Variants in UGGT2 observed in about 807,000 individuals in gnomAD.
UGGT2 encodes the protein UDP-glucose glycoprotein glucosyltransferase 2, also known as UDP-glucose:glycoprotein glucosyltransferase 2.
Under a neutral mutation model 192.1 loss-of-function variants are expected in UGGT2, and 180 were observed. The observed-to-expected ratio is 0.94, with a 90% CI of 0.83 to 1.06. The LOEUF (loss-of-function observed/expected upper bound fraction) is 1.06. Among genes scored for constraint, UGGT2 ranks in the 50% least tolerant of loss-of-function variants. UGGT2 has a pLI of 0.00. For synonymous variants in UGGT2, 580 were observed against 591.0 expected (o/e 0.98, Z 0.27); for missense variants, 1,849 against 1,795.7 (o/e 1.03, Z -0.54).
At chr13:95,980,154 G>T (rs139011721) in intron 10 of UGGT2, among the ~76,000 whole-genome samples, 1 of 152,118 alleles carries the variant, frequency 6.6e-6, no homozygotes, top group Admixed American at 6.6e-5. Context: ...CAGAGGGGTG[G>T]GGGGGAAGTC....
intron 38 of UGGT2, among the ~76,000 whole-genome samples, chr13:95,816,099 T>C (rs1358132389): frequency 1.3e-5 from 2 of 152,200 alleles, no homozygotes; most frequent in African/African-American, 2.4e-5. Context: ...ATGCTTCTTG[T>C]AGAGCCTGTG....
At chr13:95,831,713 T>C (rs1886710226) in intron 38 of UGGT2, among the ~76,000 whole-genome samples, 1 of 152,118 alleles carries the variant, frequency 6.6e-6, no homozygotes. Flanking sequence ...TGTATAAAAA[T>C]GCTAACTTTC....
At chr13:96,031,319 T>TG (rs1313633518) in intron 2 of UGGT2, among the ~76,000 whole-genome samples, 12 of 151,720 alleles carry the variant, frequency 7.9e-5, no homozygotes, top group Admixed American at 2.0e-4. Flanking sequence ...TTAATTTTTT[T>TG]GGGGGGGGAC....
At chr13:95,838,736 C>T (rs764574496) in intron 36 of UGGT2, among the ~76,000 whole-genome samples, 1 of 152,124 alleles carries the variant, frequency 6.6e-6, no homozygotes, top group African/African-American at 2.4e-5. Context: ...ACTGTCCCTT[C>T]TGACACCCTT....
Position 95,887,972 on chromosome 13 carries a change from C to G in UGGT2, c.2959-1G>C. The G allele has an allele frequency of 1.9e-6, 3 of 1,588,558 alleles. No individual in the cohort carries two copies. Among genetic ancestry groups the G allele is most frequent in the Non-Finnish European group, 2.6e-6 (3 of 1,165,466 alleles). On this transcript the variant is annotated splice_acceptor_variant, in intron 25 of 38. Coordinates refer to ENST00000376747, the MANE Select transcript of UGGT2 (RefSeq NM_020121.4). LOFTEE classifies it high-confidence loss of function. ...TCATGTTGATAATCTTGCCAAGTAC[C>G]TATTGGAAAGAAATTCCCATGTTTG...
intron 37 of UGGT2, among the ~76,000 whole-genome samples, chr13:95,833,665 A>G (rs1886970225): frequency 6.6e-6 from 1 of 152,212 alleles, no homozygotes; most frequent in South Asian, 2.1e-4. Context: ...AGAGTCTGAC[A>G]CACTATGTAT....
intron 20 of UGGT2, among the ~76,000 whole-genome samples, chr13:95,913,403 A>C (rs1008194851): frequency 6.6e-6 from 1 of 152,198 alleles, no homozygotes; most frequent in African/African-American, 2.4e-5. Context: ...AAAAAAACAA[A>C]CAACCCCATC....
chr13:95,827,509 T>A (rs896362236), intron 38 of UGGT2, among the ~76,000 whole-genome samples: 1 of 152,108 alleles, frequency 6.6e-6, no homozygotes, highest in Non-Finnish European at 1.5e-5. Flanking sequence ...TCAGAAGGTA[T>A]CAACCCTGTG....
At chr13:95,929,650 T>C (rs1471432848) in intron 17 of UGGT2, among the ~76,000 whole-genome samples, 3 of 152,246 alleles carry the variant, frequency 2.0e-5, no homozygotes, top group South Asian at 2.1e-4. Context: ...TAGTATTCCA[T>C]GGTGTATATA....
At chr13:95,965,526 G>C (rs897870559) in intron 12 of UGGT2, among the ~76,000 whole-genome samples, 12 of 148,620 alleles carry the variant, frequency 8.1e-5, no homozygotes, top group African/African-American at 1.2e-4. Flanking sequence ...CTCACTCATA[G>C]GTGGGAATTG....
At chr13:95,863,540 T>G in intron 31 of UGGT2, 89 bp downstream of exon 31, 1 of 1,006,070 alleles carries the variant, frequency 9.9e-7, no homozygotes, top group African/African-American at 1.6e-5. Context: ...GACCTTTGCC[T>G]TACTTAAATT....
At chr13:95,908,907 C>G (rs1403617165) in intron 20 of UGGT2, among the ~76,000 whole-genome samples, 1 of 132,492 alleles carries the variant, frequency 7.5e-6, no homozygotes, top group Non-Finnish European at 1.6e-5. Flanking sequence ...TGCCTGTTCA[C>G]TCTGATGGTA....
chr13:95,911,552 G>A (rs1438467917), intron 20 of UGGT2, among the ~76,000 whole-genome samples: 2 of 152,160 alleles, frequency 1.3e-5, no homozygotes, highest in Non-Finnish European at 2.9e-5. Context: ...CTGAATCTCT[G>A]AATAGACAAA....
chr13:96,026,529 G>T lies in UGGT2; in HGVS notation c.242-2770C>A, dbSNP rs185231152. Among the ~76,000 whole-genome samples the T allele has an allele frequency of 2.5e-3, 375 of 151,766 alleles. 1 individual carries two copies. The highest frequency in any genetic ancestry group is 7.6e-3 in the African/African-American group (316 of 41,474). ...ATTTCTACTCCTGGCATACAAAATA[G>T]ACATTCAATAAATTTCTTTAATATT... On this transcript the variant is annotated intron_variant, in intron 2 of 38. Coordinates refer to ENST00000376747, the MANE Select transcript of UGGT2 (RefSeq NM_020121.4).
intron 38 of UGGT2, among the ~76,000 whole-genome samples, chr13:95,804,345 G>A (rs535313532): frequency 1.3e-5 from 2 of 152,248 alleles, no homozygotes; most frequent in South Asian, 4.1e-4. Context: ...CCACATTCAT[G>A]AGCTGGAAAT....
At chr13:95,807,882 T>C (rs566378397) in intron 38 of UGGT2, among the ~76,000 whole-genome samples, 1 of 152,018 alleles carries the variant, frequency 6.6e-6, no homozygotes, top group Non-Finnish European at 1.5e-5. Context: ...ATAACAATGA[T>C]GGTATTTTCA....
At chr13:96,036,711 T>C (rs578244427) in intron 1 of UGGT2, among the ~76,000 whole-genome samples, 31 of 152,322 alleles carry the variant, frequency 2.0e-4, no homozygotes, top group African/African-American at 6.7e-4. Context: ...TGAGACCATC[T>C]AAACCAGTTC....
At chr13:95,937,839 A>G (rs943863878) in intron 16 of UGGT2, among the ~76,000 whole-genome samples, 1 of 152,182 alleles carries the variant, frequency 6.6e-6, no homozygotes, top group African/African-American at 2.4e-5. Context: ...AGTGTGGTAT[A>G]CTTATGCAAT....
chr13:95,901,376 T>C lies in UGGT2; in HGVS notation c.2503-438A>G, dbSNP rs2048100203. ...TCCCAGAAGACCAGTTTAGTAATAATATATTTAAATATGGAAATAATAAAA... is the reference window on the plus strand; with the variant it reads ...TCCCAGAAGACCAGTTTAGTAATAACATATTTAAATATGGAAATAATAAAA... On this transcript the variant is annotated intron_variant, in intron 21 of 38. Transcript: ENST00000376747. Among the ~76,000 whole-genome samples the C allele has an allele frequency of 7.9e-5, 12 of 152,138 alleles. No homozygotes were observed. The South Asian group carries it at 2.1e-3, about 26-fold the overall frequency.
Sources: allele counts gnomAD v4.1 joint callset (sites outside exome capture counted in the v4.1 genomes callset), GRCh38; gene constraint gnomAD v4.1.1; transcripts MANE v1.5; gene names NCBI Gene and HGNC (gene_info 2026-07-23, HGNC 2026-07-21).